Variants in STXBP6 observed in about 807,000 individuals in gnomAD.
The protein encoded by STXBP6 is syntaxin-binding protein 6.
Under a neutral mutation model 26.9 loss-of-function variants are expected in STXBP6, and 21 were observed. The observed-to-expected ratio is 0.78, with a 90% CI of 0.55 to 1.12. The LOEUF (loss-of-function observed/expected upper bound fraction) is 1.12. Ranked by LOEUF, STXBP6 falls within the 50% of genes most tolerant of loss-of-function variation. STXBP6 has a pLI of 0.00. For synonymous variants in STXBP6, 97 were observed against 92.6 expected (o/e 1.05, Z -0.27); for missense variants, 232 against 257.9 (o/e 0.90, Z 0.69).
chr14:24,832,463 T>C (rs551411131), intron 4 of STXBP6, among the ~76,000 whole-genome samples: 11 of 152,330 alleles, frequency 7.2e-5, no homozygotes, highest in Middle Eastern at 3.4e-3. Context: ...TCCAAGCTGA[T>C]AGTCGTAGGG....
chr14:24,846,341 T>A (rs112824235), intron 4 of STXBP6, among the ~76,000 whole-genome samples: 2 of 152,320 alleles, frequency 1.3e-5, no homozygotes, highest in African/African-American at 4.8e-5. Context: ...GTTCTCTGAA[T>A]ATCCCTTTAG....
At chr14:24,935,210 T>C (rs867046507) in intron 2 of STXBP6, among the ~76,000 whole-genome samples, 4 of 152,322 alleles carry the variant, frequency 2.6e-5, no homozygotes, top group South Asian at 4.1e-4. Flanking sequence ...CAGCTTCTCA[T>C]AACAATAAGC....
chr14:24,960,006 G>C (rs892782866), intron 2 of STXBP6, among the ~76,000 whole-genome samples: 1 of 152,212 alleles, frequency 6.6e-6, no homozygotes, highest in African/African-American at 2.4e-5. Flanking sequence ...AATTGTCTCA[G>C]CCAGATTTCA....
At chr14:24,865,718 AG>A (rs1446979966) in intron 2 of STXBP6, among the ~76,000 whole-genome samples, 3 of 152,176 alleles carry the variant, frequency 2.0e-5, no homozygotes, top group Admixed American at 2.0e-4. Flanking sequence ...TTCATTAGTG[AG>A]GAATAATTAG....
At chr14:24,843,108 GA>G (rs1172856716) in intron 4 of STXBP6, among the ~76,000 whole-genome samples, 4 of 152,166 alleles carry the variant, frequency 2.6e-5, no homozygotes, top group African/African-American at 9.7e-5. Context: ...TTATGGATAT[GA>G]TTTCAGGGTA....
chr14:24,818,082 C>T (rs1221012260), intron 5 of STXBP6: 5 of 456,670 alleles, frequency 1.1e-5, no homozygotes, highest in South Asian at 7.7e-5. Context: ...TCTGTTAAAG[C>T]CAGTTATTTT....
At chr14:25,011,105 T>G (rs1049729765) in intron 1 of STXBP6, among the ~76,000 whole-genome samples, 8 of 150,996 alleles carry the variant, frequency 5.3e-5, no homozygotes, top group African/African-American at 2.0e-4. Flanking sequence ...CAAAATGAAT[T>G]TGTCTATAAC....
chr14:24,848,885 A>C (rs2069051681), intron 4 of STXBP6, among the ~76,000 whole-genome samples: 1 of 152,160 alleles, frequency 6.6e-6, no homozygotes, highest in South Asian at 2.1e-4. Flanking sequence ...ACACGTACAA[A>C]ACATGATGAC....
At chr14:24,822,521 T>A (rs1306809247) in intron 4 of STXBP6, among the ~76,000 whole-genome samples, 1 of 152,214 alleles carries the variant, frequency 6.6e-6, no homozygotes, top group Non-Finnish European at 1.5e-5. Context: ...CCAGGCACTA[T>A]TATGTTGACA....
At chr14:24,917,070 T>C (rs913481827) in intron 2 of STXBP6, among the ~76,000 whole-genome samples, 1 of 152,000 alleles carries the variant, frequency 6.6e-6, no homozygotes, top group Admixed American at 6.6e-5. Flanking sequence ...TAAGGAAGCA[T>C]AGCATAAGGA....
intron 2 of STXBP6, among the ~76,000 whole-genome samples, chr14:24,931,134 A>AAC (rs71121807): frequency 8.5e-6 from 1 of 118,002 alleles, no homozygotes; most frequent in Non-Finnish European, 1.7e-5. Context: ...AAAAAAAAAA[A>AAC]AAAAAAAACC....
intron 4 of STXBP6, among the ~76,000 whole-genome samples, chr14:24,832,750 T>C (rs536549672): frequency 9.2e-5 from 14 of 152,308 alleles, no homozygotes; most frequent in African/African-American, 3.1e-4. Flanking sequence ...ACATTTTCAA[T>C]TCATATTAAC....
chr14:25,020,190 T>C (rs2140421325), intron 1 of STXBP6, among the ~76,000 whole-genome samples: 1 of 152,274 alleles, frequency 6.6e-6, no homozygotes, highest in Middle Eastern at 3.4e-3. Context: ...TCAGAGGCAA[T>C]ATGACCATGT....
chr14:24,851,419 G>A (rs1243988477), intron 4 of STXBP6, among the ~76,000 whole-genome samples: 12 of 138,442 alleles, frequency 8.7e-5, no homozygotes, highest in Non-Finnish European at 1.1e-4. Context: ...CCCGGTGTGT[G>A]ATGTTCCCCT....
intron 2 of STXBP6, among the ~76,000 whole-genome samples, chr14:24,950,391 A>G (rs2073123876): frequency 6.6e-6 from 1 of 152,224 alleles, no homozygotes; most frequent in South Asian, 2.1e-4. Context: ...GAATGTTCAC[A>G]GCAACACTAT....
chr14:24,858,094 A>G (rs2069402955), intron 2 of STXBP6, among the ~76,000 whole-genome samples: 1 of 152,144 alleles, frequency 6.6e-6, no homozygotes, highest in South Asian at 2.1e-4. Flanking sequence ...CTTGCTGAAG[A>G]CTATGCATCT....
chr14:25,035,117 C>T (rs941652253), intron 1 of STXBP6, among the ~76,000 whole-genome samples: 41 of 150,266 alleles, frequency 2.7e-4, no homozygotes, highest in Non-Finnish European at 4.0e-4. Context: ...CACCATTGCA[C>T]TCCAGCTTGG....
chr14:24,927,219 A>G (rs6650514), intron 2 of STXBP6, among the ~76,000 whole-genome samples: 36,784 of 152,002 alleles, frequency 0.24, 4,651 homozygotes, highest in African/African-American at 0.33. Flanking sequence ...GTGAGAGATG[A>G]GAGCTTCTCC....
intron 2 of STXBP6, among the ~76,000 whole-genome samples, chr14:24,908,495 C>T (rs897623176): frequency 2.6e-4 from 40 of 152,238 alleles, no homozygotes; most frequent in African/African-American, 9.2e-4. Context: ...TGGCTGTTGA[C>T]AAGGCCTTAT....
Sources: allele counts gnomAD v4.1 joint callset (sites outside exome capture counted in the v4.1 genomes callset), GRCh38; gene constraint gnomAD v4.1.1; transcripts MANE v1.5; gene names NCBI Gene and HGNC (gene_info 2026-07-23, HGNC 2026-07-21).